The following MDGA2 variants were observed in gnomAD, a reference collection of about 807,000 sequenced individuals.
The protein encoded by MDGA2 is MAM domain-containing glycosylphosphatidylinositol anchor protein 2.
In MDGA2, 40 loss-of-function variants were observed where a neutral mutation model predicts 117.8. The observed-to-expected ratio is 0.34, with a 90% CI of 0.26 to 0.44. The LOEUF (loss-of-function observed/expected upper bound fraction) is 0.44. Among genes scored for constraint, MDGA2 ranks in the 20% least tolerant of loss-of-function variants. The pLI, the probability that MDGA2 is intolerant of heterozygous loss-of-function variation, is 1.00. For missense variants in MDGA2, 1,123 were observed against 1,250.6 expected (o/e 0.90, Z 1.54); for synonymous variants, 452 against 439.0 (o/e 1.03, Z -0.37).
intron 1 of MDGA2, among the ~76,000 whole-genome samples, chr14:47,329,778 C>T (rs1890242678): frequency 1.3e-5 from 2 of 151,694 alleles, no homozygotes; most frequent in Non-Finnish European, 2.9e-5. Context: ...AAAATACATA[C>T]AAAAATCAAT....
intron 1 of MDGA2, among the ~76,000 whole-genome samples, chr14:47,609,814 T>C (rs1896815759): frequency 6.6e-6 from 1 of 151,802 alleles, no homozygotes; most frequent in Non-Finnish European, 1.5e-5. Context: ...ACCAATCCTA[T>C]TGACACTATT....
chr14:47,584,195 A>G (rs1215439787), intron 1 of MDGA2, among the ~76,000 whole-genome samples: 1 of 151,898 alleles, frequency 6.6e-6, no homozygotes, highest in Non-Finnish European at 1.5e-5. Context: ...AGCATTTACT[A>G]TGTACCTTCT....
At chr14:47,095,232 C>T (rs1275443084) in intron 6 of MDGA2, among the ~76,000 whole-genome samples, 1 of 151,914 alleles carries the variant, frequency 6.6e-6, no homozygotes, top group East Asian at 1.9e-4. Context: ...ATCAGAATGC[C>T]TCTTACATTC....
At position 47,359,938 on chromosome 14, in the gene MDGA2, C is replaced by A. The variant is rs375228129; in HGVS notation, c.281-58388G>T. On this transcript the variant is annotated intron_variant, in intron 1 of 16. Transcript: ENST00000399232. Reference sequence around the variant, plus strand: ...AAGAGACAACAAAATGAAAACTCAACTTATAGATTAAGAAAAAGTATTTGT... The same window carrying A: ...AAGAGACAACAAAATGAAAACTCAAATTATAGATTAAGAAAAAGTATTTGT... 1.3e-4 allele frequency among the ~76,000 whole-genome samples: 20 copies of A among 152,050 alleles called. No individual in the cohort carries two copies. In the East Asian group the frequency reaches 1.7e-3, roughly 13 times the overall value.
At chr14:47,116,791 C>G (rs1276351451) in intron 5 of MDGA2, among the ~76,000 whole-genome samples, 2 of 151,850 alleles carry the variant, frequency 1.3e-5, no homozygotes, top group Non-Finnish European at 2.9e-5. Flanking sequence ...ATATAAGACA[C>G]AAAATTATAA....
At chr14:47,079,727 A>ATTTTTTTTTTTTTTTTTTTTTTTTTT (rs35801678) in intron 6 of MDGA2, among the ~76,000 whole-genome samples, 5 of 80,070 alleles carry the variant, frequency 6.2e-5, no homozygotes, top group African/African-American at 2.9e-4. Context: ...TTTTCTACTA[A>ATTTTTTTTTTTTTTTTTTTTTTTTTT]TTTTTTTTTT....
intron 10 of MDGA2, among the ~76,000 whole-genome samples, chr14:46,889,029 T>C (rs763615554): frequency 6.6e-6 from 1 of 151,922 alleles, no homozygotes; most frequent in Non-Finnish European, 1.5e-5. Flanking sequence ...GAAGATGACA[T>C]TTTCATGGAT....
At chr14:47,670,868 C>A (rs1201198192) in intron 1 of MDGA2, among the ~76,000 whole-genome samples, 1 of 151,912 alleles carries the variant, frequency 6.6e-6, no homozygotes, top group Admixed American at 6.6e-5. Context: ...AAGCAAAAAT[C>A]TATAGCTTAA....
chr14:46,998,680 C>T (rs919593675), intron 8 of MDGA2, among the ~76,000 whole-genome samples: 2 of 152,042 alleles, frequency 1.3e-5, no homozygotes, highest in African/African-American at 4.8e-5. Context: ...TTTTTCAAAC[C>T]TCTCAGAGAA....
At chr14:46,895,681 C>T (rs532890198) in intron 10 of MDGA2, among the ~76,000 whole-genome samples, 10 of 151,614 alleles carry the variant, frequency 6.6e-5, no homozygotes, top group African/African-American at 9.7e-5. Flanking sequence ...GAGCCGAGAT[C>T]GCGCCAGTGC....
chr14:47,214,895 T>A (rs1178865496), intron 3 of MDGA2, among the ~76,000 whole-genome samples: 1 of 152,142 alleles, frequency 6.6e-6, no homozygotes, highest in East Asian at 1.9e-4. Context: ...TATACATCAA[T>A]AGATTATGGG....
chr14:47,296,858 TGAGAGTACTCACAGC>T (rs1371411595), intron 2 of MDGA2, among the ~76,000 whole-genome samples: 1 of 152,206 alleles, frequency 6.6e-6, no homozygotes, highest in Non-Finnish European at 1.5e-5. Context: ...TATACACATT[TGAGAGTACTCACAGC>T]AAAACTCAGT....
chr14:47,199,712 A>T (rs1352660027), intron 3 of MDGA2, among the ~76,000 whole-genome samples: 6 of 152,198 alleles, frequency 3.9e-5, no homozygotes, highest in African/African-American at 1.4e-4. Context: ...TACATAATTG[A>T]AGAACAGGAA....
At chr14:46,948,095 C>A (rs1457966624) in intron 9 of MDGA2, among the ~76,000 whole-genome samples, 1 of 151,782 alleles carries the variant, frequency 6.6e-6, no homozygotes, top group Non-Finnish European at 1.5e-5. Context: ...ATTTTTATAC[C>A]CATTGTCATA....
intron 2 of MDGA2, among the ~76,000 whole-genome samples, chr14:47,218,761 C>T (rs1594731962): frequency 6.6e-6 from 1 of 152,068 alleles, no homozygotes; most frequent in African/African-American, 2.4e-5. Context: ...AATAAGCCCA[C>T]AAATGATTTG....
At chr14:47,574,961 T>C (rs1294825941) in intron 1 of MDGA2, among the ~76,000 whole-genome samples, 2 of 152,174 alleles carry the variant, frequency 1.3e-5, no homozygotes, top group Non-Finnish European at 2.9e-5. Context: ...TTAAGGGGCA[T>C]AAGTGCATGA....
At chr14:47,254,003 C>T (rs913016351) in intron 2 of MDGA2, among the ~76,000 whole-genome samples, 16 of 152,344 alleles carry the variant, frequency 1.1e-4, no homozygotes, top group Admixed American at 7.8e-4. Context: ...TGTACATTCG[C>T]CTCTTTTAGC....
chr14:47,136,568 G>A (rs963444788), intron 4 of MDGA2, among the ~76,000 whole-genome samples: 4 of 152,050 alleles, frequency 2.6e-5, no homozygotes, highest in South Asian at 2.1e-4. Context: ...CTTCCTATAC[G>A]TATTCTCCTT....
At chr14:47,619,034 T>C (rs1035376886) in intron 1 of MDGA2, among the ~76,000 whole-genome samples, 2 of 151,712 alleles carry the variant, frequency 1.3e-5, no homozygotes, top group African/African-American at 2.4e-5. Flanking sequence ...AAGGTTTTGA[T>C]ACACAGCCCT....
Sources: allele counts gnomAD v4.1 joint callset (sites outside exome capture counted in the v4.1 genomes callset), GRCh38; gene constraint gnomAD v4.1.1; transcripts MANE v1.5; gene names NCBI Gene and HGNC (gene_info 2026-07-23, HGNC 2026-07-21).